The following HADHA variants were observed in gnomAD, a reference collection of about 807,000 sequenced individuals.
HADHA encodes trifunctional enzyme subunit alpha, mitochondrial.
A neutral mutation model predicts 91.3 loss-of-function variants in HADHA; 59 were observed. That is an observed-to-expected ratio of 0.65 (90% CI 0.52 to 0.80). The LOEUF (loss-of-function observed/expected upper bound fraction) is 0.80. HADHA is among the 30% of genes least tolerant of loss of function. HADHA has a pLI of 0.00. For synonymous variants in HADHA, 320 were observed against 338.9 expected (o/e 0.94, Z 0.61); for missense variants, 800 against 927.6 (o/e 0.86, Z 1.79).
At position 26,236,359 on chromosome 2, in the gene HADHA, G is replaced by GTATATA. The variant is rs34905439; in HGVS notation, c.314+490_314+495dup. 1.6e-3 allele frequency among the ~76,000 whole-genome samples: 222 copies of GTATATA among 137,920 alleles called. 1 individual carries two copies. Among genetic ancestry groups the GTATATA allele is most frequent in the African/African-American group, 4.5e-3 (169 of 37,160 alleles). The allele number at this position is 137,920 out of a possible 152,430, so 90.5% of individuals were successfully genotyped here. A position where few individuals can be genotyped will look rare whatever the true frequency, so the allele number is the denominator to read the frequency against. On this transcript the variant is annotated intron_variant, in intron 4 of 19. Transcript: ENST00000380649. Reference sequence around the variant, plus strand: ...ACATGATGTGTGTGTGTGTGTGTGTGTATATATATATATATATACTCTGTG... The same window carrying GTATATA: ...ACATGATGTGTGTGTGTGTGTGTGTGTATATATATATATATATATATATACTCTGTG...
chr2:26,195,295 C>T, intron 14 of HADHA, 63 bp from the exon 15 acceptor site: 1 of 1,350,882 alleles, frequency 7.4e-7, no homozygotes, highest in Non-Finnish European at 1.1e-6. Context: ...GAGAGCATTC[C>T]TTCTCTGCTA....
At chr2:26,217,909 A>G (rs1386491768) in intron 7 of HADHA, among the ~76,000 whole-genome samples, 1 of 152,184 alleles carries the variant, frequency 6.6e-6, no homozygotes, top group Non-Finnish European at 1.5e-5. Context: ...CCTGTCTCAA[A>G]AAGAAACAAA....
intron 12 of HADHA, among the ~76,000 whole-genome samples, chr2:26,202,575 T>C (rs1448359614): frequency 1.3e-5 from 2 of 152,148 alleles, no homozygotes; most frequent in Admixed American, 6.5e-5. Flanking sequence ...ATCCCGTCTC[T>C]ATAAGAAAAA....
In HADHA at chr2:26,244,538, C is replaced by T. The variant is rs563372059; in HGVS notation, c.59G>A (p.Arg20His). ...LSRFSAFRIL[R>H]SRGYICRNFT... is the part of the protein sequence containing the mutation. Reference sequence around the variant, plus strand: ...CCTCGGCCAGGCCTCACCTCGGGAGCGGAGGATCCTGAAGGCAGAAAAGCG... The same window carrying T: ...CCTCGGCCAGGCCTCACCTCGGGAGTGGAGGATCCTGAAGGCAGAAAAGCG... Residue 20 changes from arginine (R) to histidine (H), a missense_variant, in exon 1 of 20, where the codon CGC becomes CAC. By Grantham distance (29) the Arg-to-His change is conservative. Transcript: ENST00000380649. 1.9e-6 allele frequency: 3 copies of T among 1,581,918 alleles called. No homozygotes were observed. The African/African-American group carries it at 4.0e-5, about 21-fold the overall frequency.
intron 12 of HADHA, 116 bp downstream of exon 12, chr2:26,203,946 G>A (rs767790502): frequency 2.0e-6 from 2 of 1,021,848 alleles, no homozygotes; most frequent in Non-Finnish European, 3.1e-6. Context: ...TCAGGAAAAA[G>A]GAATCCGTGA....
At position 26,230,299 on chromosome 2, in the gene HADHA, C is replaced by A. The variant is rs1248416510; in HGVS notation, c.574-5G>T. 6.3e-7 allele frequency: 1 copy of A among 1,585,494 alleles called. No homozygotes were observed. The highest frequency in any genetic ancestry group is 8.7e-7 in the Non-Finnish European group (1 of 1,154,384). ...CAAAGCAGCAGGCACACCCACCTAA[C>A]AGGCAAGCAAGGATGAGAATATAGG... On this transcript the variant is annotated splice_polypyrimidine_tract_variant and splice_region_variant and intron_variant, in intron 6 of 19. Coordinates refer to ENST00000380649, the MANE Select transcript of HADHA (RefSeq NM_000182.5).
chr2:26,203,370 C>T (rs940700857), intron 12 of HADHA, among the ~76,000 whole-genome samples: 2 of 152,228 alleles, frequency 1.3e-5, no homozygotes, highest in African/African-American at 4.8e-5. Context: ...ATCAAACCAA[C>T]CCTCCATTTG....
intron 14 of HADHA, among the ~76,000 whole-genome samples, chr2:26,197,286 C>A (rs957342054): frequency 6.6e-6 from 1 of 152,176 alleles, no homozygotes; most frequent in Non-Finnish European, 1.5e-5. Flanking sequence ...AGCAAACCCA[C>A]GGGCAGACAC....
intron 7 of HADHA, among the ~76,000 whole-genome samples, chr2:26,228,976 G>A (rs563799467): frequency 6.6e-5 from 10 of 152,164 alleles, no homozygotes; most frequent in Admixed American, 2.6e-4. Flanking sequence ...CACCATGCAC[G>A]GCTATTTTTG....
intron 12 of HADHA, among the ~76,000 whole-genome samples, chr2:26,202,016 G>T (rs1669858678): frequency 1.3e-5 from 2 of 150,166 alleles, no homozygotes; most frequent in South Asian, 4.2e-4. Flanking sequence ...GGCCAGGCTG[G>T]TCTTGAACTC....
intron 14 of HADHA, among the ~76,000 whole-genome samples, chr2:26,196,005 C>T (rs1450010981): frequency 6.6e-6 from 1 of 152,226 alleles, no homozygotes; most frequent in Non-Finnish European, 1.5e-5. Context: ...GTTTTGCTTT[C>T]TCCCTCTCAC....
chr2:26,225,383 G>A (rs1200179276), intron 7 of HADHA, among the ~76,000 whole-genome samples: 1 of 119,360 alleles, frequency 8.4e-6, no homozygotes, highest in Non-Finnish European at 1.7e-5. Context: ...TGGCGACAGG[G>A]TGAGACTCCA....
chr2:26,244,228 T>C (rs1671012336), intron 1 of HADHA, among the ~76,000 whole-genome samples: 1 of 152,196 alleles, frequency 6.6e-6, no homozygotes, highest in South Asian at 2.1e-4. Context: ...CAAGAAAATA[T>C]GAGGGGCGTG....
chr2:26,236,457 C>CA (rs1383691800), intron 4 of HADHA, among the ~76,000 whole-genome samples: 3 of 150,136 alleles, frequency 2.0e-5, no homozygotes, highest in African/African-American at 7.4e-5. Flanking sequence ...CTCACTCTGT[C>CA]ACCCAGGCTG....
intron 17 of HADHA, among the ~76,000 whole-genome samples, chr2:26,193,375 C>T (rs1669569004): frequency 6.6e-6 from 1 of 150,584 alleles, no homozygotes; most frequent in African/African-American, 2.5e-5. Context: ...GCGATCCTCC[C>T]ACCTCAGCCT....
intron 1 of HADHA, among the ~76,000 whole-genome samples, chr2:26,244,049 G>A (rs1671000501): frequency 6.6e-6 from 1 of 152,246 alleles, no homozygotes; most frequent in Non-Finnish European, 1.5e-5. Flanking sequence ...GGTTTTGAGG[G>A]AACGGAGCAG....
rs539814267 is a variant in HADHA at position 26,204,053 on chromosome 2, C to T, written c.1220+9G>A. On this transcript the variant is annotated intron_variant, in intron 12 of 19. Coordinates refer to ENST00000380649, the MANE Select transcript of HADHA (RefSeq NM_000182.5). The stretch of plus-strand genomic sequence containing the variant: ...TTCTAACTCTTGCAAAGAGAGAGAG[C>T]AGGCTTACCCTTTGAACACTTGTTG... The T allele has an allele frequency of 2.5e-6, 4 of 1,613,130 alleles. No individual in the cohort carries two copies. In the African/African-American group the frequency reaches 5.3e-5, roughly 21 times the overall value.
At chr2:26,234,138 G>A (rs1178695153) in intron 5 of HADHA, 79 bp downstream of exon 5, 1 of 1,379,048 alleles carries the variant, frequency 7.3e-7, no homozygotes, top group Non-Finnish European at 1.0e-6. Context: ...TCCAGGCAAA[G>A]CAGTAGCCTA....
chr2:26,233,296 G>A (rs1670669463), intron 5 of HADHA, among the ~76,000 whole-genome samples: 2 of 152,202 alleles, frequency 1.3e-5, no homozygotes, highest in South Asian at 4.1e-4. Flanking sequence ...ACAGTGATAA[G>A]CATTTCTGTA....
Sources: allele counts gnomAD v4.1 joint callset (sites outside exome capture counted in the v4.1 genomes callset), GRCh38; gene constraint gnomAD v4.1.1; transcripts MANE v1.5; gene names NCBI Gene and HGNC (gene_info 2026-07-23, HGNC 2026-07-21).